Variants in GRIP1 observed in about 807,000 individuals in gnomAD.
The protein encoded by GRIP1 is glutamate receptor-interacting protein 1.
Under a neutral mutation model 129.9 loss-of-function variants are expected in GRIP1, and 45 were observed. The observed-to-expected ratio is 0.35, with a 90% CI of 0.27 to 0.44. The LOEUF (loss-of-function observed/expected upper bound fraction) is 0.44, where lower values mean the gene tolerates loss of function less well. GRIP1 is among the 20% of genes least tolerant of loss of function. GRIP1 has a pLI of 1.00. For missense variants in GRIP1, 1,196 were observed against 1,396.8 expected (o/e 0.86, Z 2.29); for synonymous variants, 530 against 520.8 (o/e 1.02, Z -0.24).
chr12:66,492,599 T>C (rs965650614), intron 7 of GRIP1, among the ~76,000 whole-genome samples: 14 of 152,162 alleles, frequency 9.2e-5, no homozygotes, highest in African/African-American at 3.4e-4. Flanking sequence ...TAAATGTGCA[T>C]TTATTAATCA....
intron 1 of GRIP1, among the ~76,000 whole-genome samples, chr12:66,907,415 TAAAC>T (rs1242415754): frequency 6.6e-6 from 1 of 151,630 alleles, no homozygotes; most frequent in Non-Finnish European, 1.5e-5. Context: ...TTATGAATAT[TAAAC>T]AAGCCACAAC....
In GRIP1 at chr12:66,608,347, T is replaced by C. The variant is rs1481834955; in HGVS notation, c.56-11420A>G. 4.6e-5 allele frequency among the ~76,000 whole-genome samples: 7 copies of C among 152,138 alleles called. No individual in the cohort carries two copies. The East Asian group carries it at 1.3e-3, about 29-fold the overall frequency. ...AGAGAGAGGTTTTTTGTTTGTTTGT[T>C]TGTTTTCAACAGTCTTGCTCTGTCA... On this transcript the variant is annotated intron_variant, in intron 1 of 24. Coordinates refer to ENST00000359742, the MANE Select transcript of GRIP1 (RefSeq NM_001366722.1).
chr12:66,496,699 ATC>A (rs2138724835), intron 7 of GRIP1, among the ~76,000 whole-genome samples: 1 of 152,302 alleles, frequency 6.6e-6, no homozygotes, highest in Non-Finnish European at 1.5e-5. Flanking sequence ...GTAGGAAGTC[ATC>A]TCTTGGTATG....
intron 1 of GRIP1, among the ~76,000 whole-genome samples, chr12:66,772,666 G>A (rs1004573598): frequency 6.6e-6 from 1 of 152,214 alleles, no homozygotes; most frequent in Non-Finnish European, 1.5e-5. Flanking sequence ...GTTCATTGGT[G>A]TGTGTTACCC....
intron 1 of GRIP1, among the ~76,000 whole-genome samples, chr12:66,868,438 T>G (rs78080083): frequency 0.022 from 3,303 of 152,214 alleles, 131 homozygotes; most frequent in African/African-American, 0.073. Flanking sequence ...AAAATGTAGA[T>G]GTTATTATCC....
At chr12:66,595,846 T>C (rs1399655387) in intron 2 of GRIP1, among the ~76,000 whole-genome samples, 3 of 152,160 alleles carry the variant, frequency 2.0e-5, no homozygotes, top group Non-Finnish European at 4.4e-5. Context: ...CCACCTGAAA[T>C]TTTTATAAAA....
At chr12:66,651,494 C>A (rs2136143651) in intron 1 of GRIP1, among the ~76,000 whole-genome samples, 1 of 152,292 alleles carries the variant, frequency 6.6e-6, no homozygotes, top group Middle Eastern at 3.4e-3. Flanking sequence ...ATTTCCAAAT[C>A]AGAGAATACT....
intron 1 of GRIP1, among the ~76,000 whole-genome samples, chr12:66,722,481 C>T (rs1189717250): frequency 2.0e-5 from 3 of 151,988 alleles, no homozygotes. Context: ...ATAGTAAGAT[C>T]AAAGATCACT....
At chr12:66,784,458 A>G (rs1241108168) in intron 1 of GRIP1, among the ~76,000 whole-genome samples, 1 of 152,206 alleles carries the variant, frequency 6.6e-6, no homozygotes, top group East Asian at 1.9e-4. Flanking sequence ...GACACTGAGA[A>G]TCAGGAGTTA....
At chr12:66,484,896 G>T (rs2059911154) in intron 7 of GRIP1, among the ~76,000 whole-genome samples, 1 of 152,166 alleles carries the variant, frequency 6.6e-6, no homozygotes, top group Non-Finnish European at 1.5e-5. Flanking sequence ...ATTACTCTGA[G>T]TTGATCATTA....
At chr12:66,710,417 G>C (rs1299043488) in intron 1 of GRIP1, among the ~76,000 whole-genome samples, 1 of 151,888 alleles carries the variant, frequency 6.6e-6, no homozygotes, top group Non-Finnish European at 1.5e-5. Flanking sequence ...GAAACAAGCA[G>C]GTCAGCCATT....
chr12:66,723,292 C>A (rs1465945383), intron 1 of GRIP1, among the ~76,000 whole-genome samples: 1 of 28,300 alleles, frequency 3.5e-5, no homozygotes, highest in Non-Finnish European at 5.7e-5. Context: ...TCCTTTCTTT[C>A]TTTCTTTCTT....
intron 1 of GRIP1, among the ~76,000 whole-genome samples, chr12:66,616,421 G>A (rs1295107703): frequency 6.6e-6 from 1 of 152,116 alleles, no homozygotes; most frequent in Admixed American, 6.5e-5. Context: ...GTGATCTACT[G>A]CAGGAACACA....
At chr12:66,772,288 A>C (rs1293702894) in intron 1 of GRIP1, among the ~76,000 whole-genome samples, 1 of 152,280 alleles carries the variant, frequency 6.6e-6, no homozygotes, top group African/African-American at 2.4e-5. Flanking sequence ...GAGGACTCCC[A>C]GGTGTGTTTA....
chr12:66,935,675 A>T (rs2041471773), intron 1 of GRIP1, among the ~76,000 whole-genome samples: 1 of 152,182 alleles, frequency 6.6e-6, no homozygotes, highest in African/African-American at 2.4e-5. Context: ...ATTCACAGAG[A>T]CTCCAGGGGT....
intron 15 of GRIP1, among the ~76,000 whole-genome samples, chr12:66,415,089 C>A (rs187982004): frequency 6.6e-6 from 1 of 151,760 alleles, no homozygotes; most frequent in East Asian, 1.9e-4. Context: ...GATTTCATGA[C>A]GAAAATGCCA....
intron 1 of GRIP1, among the ~76,000 whole-genome samples, chr12:66,776,493 C>T (rs375251422): frequency 2.0e-4 from 30 of 152,082 alleles, no homozygotes; most frequent in African/African-American, 6.3e-4. Flanking sequence ...GATTATATAG[C>T]ATAATTCAAA....
rs566625993 is a variant in GRIP1, at chr12:66,762,143, T to C, written c.-420+41910A>G. Reference sequence around the variant, plus strand: ...TCCATGGTTTTGCTCTTCCCATGATTATGACATTCAATTTTGAGATACAGG... The same window carrying C: ...TCCATGGTTTTGCTCTTCCCATGATCATGACATTCAATTTTGAGATACAGG... On this transcript the variant is annotated intron_variant, in intron 1 of 4. Transcript: ENST00000538373. Among the ~76,000 whole-genome samples the C allele has an allele frequency of 2.0e-5, 3 of 152,318 alleles. No individual in the cohort carries two copies. In the South Asian group the frequency reaches 6.2e-4, roughly 32 times the overall value.
intron 1 of GRIP1, among the ~76,000 whole-genome samples, chr12:67,016,671 T>C (rs576501924): frequency 6.6e-6 from 1 of 152,288 alleles, no homozygotes; most frequent in Admixed American, 6.5e-5. Flanking sequence ...AAAAAAGCGA[T>C]GGATGAAGAA....
Sources: allele counts gnomAD v4.1 joint callset (sites outside exome capture counted in the v4.1 genomes callset), GRCh38; gene constraint gnomAD v4.1.1; transcripts MANE v1.5; gene names NCBI Gene and HGNC (gene_info 2026-07-23, HGNC 2026-07-21).